The following GALNT18 variants were observed in gnomAD, a reference collection of about 807,000 sequenced individuals.
The protein encoded by GALNT18 is polypeptide N-acetylgalactosaminyltransferase 18, also known as GalNAc-transferase 18.
A neutral mutation model predicts 69.5 loss-of-function variants in GALNT18; 44 were observed. The ratio of observed to expected loss-of-function variants is 0.63; its 90% confidence interval spans 0.50 to 0.81. The LOEUF (loss-of-function observed/expected upper bound fraction) is 0.81, where lower values mean the gene tolerates loss of function less well. GALNT18 is among the 40% of genes least tolerant of loss of function. The pLI is 0.00. For synonymous variants in GALNT18, 364 were observed against 318.2 expected (o/e 1.14, Z -1.53); for missense variants, 715 against 810.0 (o/e 0.88, Z 1.42).
Position 11,332,498 on chromosome 11 carries a change from T to C in GALNT18, c.1416+196A>G, listed in dbSNP as rs990735642. 2.6e-5 allele frequency among the ~76,000 whole-genome samples: 4 copies of C among 152,174 alleles called. No homozygotes were observed. The highest frequency in any genetic ancestry group is 9.7e-5 in the African/African-American group (4 of 41,430). ...GGACTATAAAGGAGAGACAAGTACC[T>C]CTCTCAAGGGACTGGAGGGGTTTGG... On this transcript the variant is annotated intron_variant, in intron 8 of 10. Transcript: ENST00000227756. The surrounding 1 kb of genome is among the most constrained non-coding windows in gnomAD (Gnocchi z 4.3).
intron 10 of GALNT18, among the ~76,000 whole-genome samples, chr11:11,281,075 G>T (rs1440331500): frequency 2.0e-5 from 3 of 152,172 alleles, no homozygotes; most frequent in Admixed American, 6.5e-5. Context: ...TGGCCCCACC[G>T]CAGTCCTGCC....
Position 11,448,828 on chromosome 11 carries a change from T to A in GALNT18, c.344A>T (p.Lys115Met). 1 of 1,613,392 alleles carries A rather than the reference T, an allele frequency of 6.2e-7. No homozygotes were observed. Among genetic ancestry groups the A allele is most frequent in the Non-Finnish European group, 8.5e-7 (1 of 1,179,798 alleles). ...LSPEGRRVAL[K>M]QFQYYGYNAY... ...GTTGTAGCCGTAGTACTGGAATTGCTTCAGGGCCACGCGCCGGCCTTCGGG... is the reference window on the plus strand; with the variant it reads ...GTTGTAGCCGTAGTACTGGAATTGCATCAGGGCCACGCGCCGGCCTTCGGG... Residue 115 changes from lysine to methionine, a missense_variant, in exon 2 of 11, where the codon AAG becomes ATG. Transcript: ENST00000227756.
In GALNT18 at chr11:11,309,790, T is replaced by C. The variant is rs953417011; in HGVS notation, c.1513-16597A>G. Reference sequence around the variant, plus strand: ...CATTCTCTCACATACCCAGATCCCCTTATGCTTCAGTTGCAAGACAGCCTG... The same window carrying C: ...CATTCTCTCACATACCCAGATCCCCCTATGCTTCAGTTGCAAGACAGCCTG... On this transcript the variant is annotated intron_variant, in intron 9 of 10. Coordinates refer to ENST00000227756, the MANE Select transcript of GALNT18 (RefSeq NM_198516.3). This position sits in a 1 kb window ranked among gnomAD's most constrained non-coding sequence, Gnocchi z 4.6. Among the ~76,000 whole-genome samples the C allele has an allele frequency of 1.3e-5, 2 of 152,148 alleles. No homozygotes were observed. Among genetic ancestry groups the C allele is most frequent in the Non-Finnish European group, 2.9e-5 (2 of 68,030 alleles).
chr11:11,414,170 C>T (rs1251595285), intron 3 of GALNT18, among the ~76,000 whole-genome samples: 4 of 152,170 alleles, frequency 2.6e-5, no homozygotes, highest in Admixed American at 2.0e-4. Flanking sequence ...CCTGAAGCAT[C>T]GCAACAGCCT....
intron 1 of GALNT18, among the ~76,000 whole-genome samples, chr11:11,585,417 G>A (rs187664687): frequency 6.7e-5 from 10 of 149,778 alleles, no homozygotes; most frequent in Admixed American, 3.3e-4. Context: ...GTACAATGGC[G>A]TGATCTTGGC....
intron 2 of GALNT18, among the ~76,000 whole-genome samples, chr11:11,440,032 T>G (rs1855502038): frequency 6.6e-6 from 1 of 152,214 alleles, no homozygotes; most frequent in African/African-American, 2.4e-5. Flanking sequence ...GACCTGCATC[T>G]AAGAGCAGAA....
chr11:11,351,319 TG>T (rs1850397821), intron 6 of GALNT18, among the ~76,000 whole-genome samples: 1 of 151,736 alleles, frequency 6.6e-6, no homozygotes, highest in Non-Finnish European at 1.5e-5. Context: ...CTAGCCAGGG[TG>T]GTAGAGGAAA....
chr11:11,492,696 A>G (rs1856797303), intron 1 of GALNT18, among the ~76,000 whole-genome samples: 1 of 141,764 alleles, frequency 7.1e-6, no homozygotes. Context: ...GAGTTGAACA[A>G]TGAGAACACA....
chr11:11,447,293 G>T (rs1003412517), intron 2 of GALNT18, among the ~76,000 whole-genome samples: 7 of 152,204 alleles, frequency 4.6e-5, no homozygotes, highest in African/African-American at 9.6e-5. Context: ...TCTTACTGAG[G>T]TCTTCTCTGA....
rs1860064554 is a variant in GALNT18 at position 11,616,841 on chromosome 11, GA to G, written c.235+4517del. Among the ~76,000 whole-genome samples, 2 of 152,200 alleles carry G rather than the reference GA, an allele frequency of 1.3e-5. No individual in the cohort carries two copies. The highest frequency in any genetic ancestry group is 2.4e-5 in the African/African-American group (1 of 41,450). On this transcript the variant is annotated intron_variant, in intron 1 of 10. Transcript: ENST00000227756. The surrounding 1 kb of genome is among the most constrained non-coding windows in gnomAD (Gnocchi z 4.4). ...CGTATTATATAAACCAATGAAATAT[GA>G]CGGCTAAAAAGATGAGTGTTGTTTC...
At chr11:11,558,754 C>A (rs1302517374) in intron 1 of GALNT18, among the ~76,000 whole-genome samples, 2 of 152,242 alleles carry the variant, frequency 1.3e-5, no homozygotes, top group Non-Finnish European at 2.9e-5. Context: ...AAGTGGCAAC[C>A]CTTCCTGCCT....
chr11:11,468,151 C>A (rs927361288), intron 1 of GALNT18, among the ~76,000 whole-genome samples: 1 of 152,208 alleles, frequency 6.6e-6, no homozygotes, highest in Non-Finnish European at 1.5e-5. Context: ...AATACCATGC[C>A]TTCTTTCAGA....
intron 2 of GALNT18, among the ~76,000 whole-genome samples, chr11:11,447,327 C>T (rs1177944612): frequency 6.6e-6 from 1 of 152,070 alleles, no homozygotes; most frequent in Non-Finnish European, 1.5e-5. Context: ...ATTGCAGCTC[C>T]CCACTCTTGT....
chr11:11,296,611 G>A (rs546664856), intron 9 of GALNT18, among the ~76,000 whole-genome samples: 1 of 152,162 alleles, frequency 6.6e-6, no homozygotes, highest in Non-Finnish European at 1.5e-5. Context: ...TGGCTACTCA[G>A]GTAACAGCTG....
chr11:11,570,145 C>T (rs996576309), intron 1 of GALNT18: 3 of 152,358 alleles, frequency 2.0e-5, no homozygotes, highest in African/African-American at 7.2e-5. Context: ...ATGGTTTGCC[C>T]TGGAGAGCTT....
rs544812918 is a variant in GALNT18, at chr11:11,320,061, C to T, written c.1512+7025G>A. Among the ~76,000 whole-genome samples the T allele has an allele frequency of 6.6e-6, 1 of 152,322 alleles. No individual in the cohort carries two copies. The highest frequency in any genetic ancestry group is 1.9e-4 in the East Asian group (1 of 5,186). ...CACCAACCACCAGCCAATTTCATTA[C>T]AGGCAATAAAATTGAGGCATGAGGA... On this transcript the variant is annotated intron_variant, in intron 9 of 10. Coordinates refer to ENST00000227756, the MANE Select transcript of GALNT18 (RefSeq NM_198516.3). The surrounding 1 kb of genome is among the most constrained non-coding windows in gnomAD (Gnocchi z 4.9).
Position 11,402,186 on chromosome 11 carries a change from TG to T in GALNT18, c.596-22923del, listed in dbSNP as rs2133739034. On this transcript the variant is annotated intron_variant, in intron 3 of 10. Transcript: ENST00000227756. The surrounding 1 kb of genome is among the most constrained non-coding windows in gnomAD (Gnocchi z 4.0). ...AGGCACCAGAAGAATCATGCAATCA[TG>T]GTTTATTTTCTGTCACCTTGGGAAC... Among the ~76,000 whole-genome samples, 1 of 152,358 alleles carries T rather than the reference TG, an allele frequency of 6.6e-6. No individual in the cohort carries two copies. Among genetic ancestry groups the T allele is most frequent in the East Asian group, 1.9e-4 (1 of 5,194 alleles).
chr11:11,305,889 T>G (rs1371580649), intron 9 of GALNT18, among the ~76,000 whole-genome samples: 2 of 152,204 alleles, frequency 1.3e-5, no homozygotes, highest in African/African-American at 2.4e-5. Context: ...GTTAATAAAT[T>G]ATTCCAGGGA....
chr11:11,453,031 C>T (rs72863029), intron 1 of GALNT18, among the ~76,000 whole-genome samples: 31 of 152,252 alleles, frequency 2.0e-4, no homozygotes, highest in Non-Finnish European at 4.0e-4. Context: ...TTACTCGCCC[C>T]CTGCCCTCAC....
Sources: allele counts gnomAD v4.1 joint callset (sites outside exome capture counted in the v4.1 genomes callset), GRCh38; gene constraint gnomAD v4.1.1; non-coding constraint Gnocchi (gnomAD v3.1); transcripts MANE v1.5; gene names NCBI Gene and HGNC (gene_info 2026-07-23, HGNC 2026-07-21).